The following MAP3K5 variants were observed in gnomAD, a reference collection of about 807,000 sequenced individuals.
MAP3K5 encodes mitogen-activated protein kinase kinase kinase 5, also known as ASK-1.
In MAP3K5, 56 loss-of-function variants were observed where a neutral mutation model predicts 158.7. That is an observed-to-expected ratio of 0.35 (90% CI 0.28 to 0.44). MAP3K5 has a LOEUF of 0.44. Ranked by LOEUF, MAP3K5 falls within the 20% of genes least tolerant of loss-of-function variation. The probability of loss-of-function intolerance (pLI) is 1.00; values close to 1 mark genes in which losing one functional copy is unlikely to be tolerated. For missense variants in MAP3K5, 1,294 were observed against 1,674.8 expected (o/e 0.77, Z 3.97); for synonymous variants, 579 against 601.7 (o/e 0.96, Z 0.55).
At chr6:136,754,818 T>TA (rs1783399492) in intron 1 of MAP3K5, among the ~76,000 whole-genome samples, 1 of 152,144 alleles carries the variant, frequency 6.6e-6, no homozygotes, top group Non-Finnish European at 1.5e-5. Flanking sequence ...GGAAGAATGA[T>TA]GTCAGTGCAG....
chr6:136,623,382 A>G (rs1776894703), intron 14 of MAP3K5, among the ~76,000 whole-genome samples: 2 of 152,222 alleles, frequency 1.3e-5, no homozygotes, highest in South Asian at 4.1e-4. Context: ...ATGCTGTTAA[A>G]GCATTTCACA....
intron 2 of MAP3K5, among the ~76,000 whole-genome samples, chr6:136,707,860 A>T (rs144353733): frequency 3.3e-5 from 5 of 152,262 alleles, no homozygotes; most frequent in African/African-American, 1.2e-4. Flanking sequence ...CATACACTGG[A>T]ATACATTACA....
intron 11 of MAP3K5, among the ~76,000 whole-genome samples, chr6:136,644,039 T>A (rs1778120294): frequency 6.6e-6 from 1 of 152,174 alleles, no homozygotes; most frequent in East Asian, 1.9e-4. Context: ...GGGAGGCAAG[T>A]GCAGAGCTGA....
At chr6:136,769,039 C>A (rs1784072554) in intron 1 of MAP3K5, among the ~76,000 whole-genome samples, 1 of 152,080 alleles carries the variant, frequency 6.6e-6, no homozygotes, top group Non-Finnish European at 1.5e-5. Context: ...CATGTCCACC[C>A]AAAAACTTGA....
chr6:136,709,916 G>C (rs1311397615), intron 2 of MAP3K5, among the ~76,000 whole-genome samples: 1 of 152,150 alleles, frequency 6.6e-6, no homozygotes, highest in East Asian at 1.9e-4. Flanking sequence ...TGGGTGACAA[G>C]AGAGTCCCAT....
intron 11 of MAP3K5, among the ~76,000 whole-genome samples, chr6:136,646,801 A>G (rs1778280589): frequency 6.6e-6 from 1 of 152,240 alleles, no homozygotes; most frequent in Admixed American, 6.5e-5. Context: ...ATTGCACTGC[A>G]CTTTAAAGCA....
At chr6:136,619,156 T>A (rs1776696650) in intron 15 of MAP3K5, among the ~76,000 whole-genome samples, 1 of 152,078 alleles carries the variant, frequency 6.6e-6, no homozygotes, top group South Asian at 2.1e-4. Flanking sequence ...CTTTTTCAGT[T>A]TGGGACAGTC....
In MAP3K5 at chr6:136,588,746, C is replaced by T. The variant is rs549369511; in HGVS notation, c.3225+3427G>A. Among the ~76,000 whole-genome samples the T allele has an allele frequency of 1.6e-4, 24 of 152,300 alleles. No individual in the cohort carries two copies. In the South Asian group the frequency reaches 4.4e-3, roughly 28 times the overall value. The stretch of plus-strand genomic sequence containing the variant: ...CTATTCTCAGTCTTTGAATGATCAC[C>T]GTGAGCCAAAGGAAAGGCCAGAGAG... On this transcript the variant is annotated intron_variant, in intron 23 of 29. Coordinates refer to ENST00000359015, the MANE Select transcript of MAP3K5 (RefSeq NM_005923.4).
At chr6:136,710,043 T>G (rs1385683146) in intron 2 of MAP3K5, among the ~76,000 whole-genome samples, 1 of 152,228 alleles carries the variant, frequency 6.6e-6, no homozygotes, top group East Asian at 1.9e-4. Context: ...GAGACAGAGT[T>G]TATTCACAGT....
rs969826117 is a variant in MAP3K5, at chr6:136,609,605, C to A, written c.2521+1677G>T. Among the ~76,000 whole-genome samples the A allele has an allele frequency of 2.6e-5, 4 of 151,918 alleles. No homozygotes were observed. Among genetic ancestry groups the A allele is most frequent in the Non-Finnish European group, 5.9e-5 (4 of 67,994 alleles). On this transcript the variant is annotated intron_variant, in intron 18 of 29. Transcript: ENST00000359015. The surrounding 1 kb of genome is among the most constrained non-coding windows in gnomAD (Gnocchi z 4.4). ...GTCAGGAGTTTGAGACCAGCCTGGG[C>A]AACATGGTGAAACCCTGTCTCTACC... is the stretch of plus-strand genomic sequence containing the variant.
chr6:136,588,413 A>G (rs180878785), intron 23 of MAP3K5, among the ~76,000 whole-genome samples: 63 of 152,360 alleles, frequency 4.1e-4, no homozygotes, highest in Admixed American at 3.9e-3. Context: ...TATTACTGTC[A>G]TGAAAATTAA....
chr6:136,642,045 TAA>T (rs1262038091), intron 12 of MAP3K5, among the ~76,000 whole-genome samples: 6 of 126,830 alleles, frequency 4.7e-5, no homozygotes, highest in African/African-American at 1.8e-4. Context: ...TAAAATAAAA[TAA>T]AATAAAATAA....
At chr6:136,784,656 C>T (rs1344504476) in intron 1 of MAP3K5, among the ~76,000 whole-genome samples, 2 of 152,054 alleles carry the variant, frequency 1.3e-5, no homozygotes, top group South Asian at 2.1e-4. Flanking sequence ...GGCTGCAGGG[C>T]GGTTCCAATC....
chr6:136,588,871 G>T (rs1775256725), intron 23 of MAP3K5, among the ~76,000 whole-genome samples: 1 of 152,170 alleles, frequency 6.6e-6, no homozygotes, highest in South Asian at 2.1e-4. Context: ...TCACTCTAGA[G>T]CACCTTCTTC....
At chr6:136,706,628 C>T (rs1237619576) in intron 2 of MAP3K5, among the ~76,000 whole-genome samples, 1 of 152,170 alleles carries the variant, frequency 6.6e-6, no homozygotes, top group Non-Finnish European at 1.5e-5. Flanking sequence ...GGAGCCAGAT[C>T]TGGGAGGGAA....
rs140893131 is a variant in MAP3K5, at chr6:136,588,368, G to A, written c.3225+3805C>T. Among the ~76,000 whole-genome samples, 12 of 152,196 alleles carry A rather than the reference G, an allele frequency of 7.9e-5. No individual in the cohort carries two copies. The East Asian group carries it at 2.1e-3, about 27-fold the overall frequency. ...GTCCTCTGTGCCTGTTTCCTCATTC[G>A]TAAAATGAGGATGCTAATAGAACTA... is the stretch of plus-strand genomic sequence containing the variant. On this transcript the variant is annotated intron_variant, in intron 23 of 29. Coordinates refer to ENST00000359015, the MANE Select transcript of MAP3K5 (RefSeq NM_005923.4).
At chr6:136,652,956 C>T (rs1778584421) in intron 10 of MAP3K5, among the ~76,000 whole-genome samples, 1 of 152,148 alleles carries the variant, frequency 6.6e-6, no homozygotes, top group Non-Finnish European at 1.5e-5. Flanking sequence ...GGTAGATATA[C>T]CTCACTTATG....
intron 14 of MAP3K5, among the ~76,000 whole-genome samples, chr6:136,632,597 AACAGAG>A (rs1777424597): frequency 6.6e-6 from 1 of 152,224 alleles, no homozygotes; most frequent in Admixed American, 6.5e-5. Context: ...CTCTGATGAT[AACAGAG>A]ACAAAGCATG....
chr6:136,703,976 T>C (rs1399207824), intron 3 of MAP3K5, among the ~76,000 whole-genome samples: 2 of 152,238 alleles, frequency 1.3e-5, no homozygotes, highest in African/African-American at 4.8e-5. Flanking sequence ...CTGAAATAAA[T>C]GTACAACCAT....
Sources: allele counts gnomAD v4.1 joint callset (sites outside exome capture counted in the v4.1 genomes callset), GRCh38; gene constraint gnomAD v4.1.1; non-coding constraint Gnocchi (gnomAD v3.1); transcripts MANE v1.5; gene names NCBI Gene and HGNC (gene_info 2026-07-23, HGNC 2026-07-21).